WDR72: variants seen among roughly 807,000 people sequenced by gnomAD.
WDR72 encodes WD repeat domain 72.
In WDR72, 120 loss-of-function variants were observed where a neutral mutation model predicts 124.2. The observed-to-expected ratio is 0.97, with a 90% CI of 0.83 to 1.12. The LOEUF (loss-of-function observed/expected upper bound fraction) is 1.12. Ranked by LOEUF, WDR72 falls within the 50% of genes most tolerant of loss-of-function variation. The pLI is 0.00. For missense variants in WDR72, 1,387 were observed against 1,278.8 expected (o/e 1.08, Z -1.29); for synonymous variants, 452 against 441.7 (o/e 1.02, Z -0.29).
intron 13 of WDR72, among the ~76,000 whole-genome samples, chr15:53,680,350 G>T (rs2016337832): frequency 6.6e-6 from 1 of 152,174 alleles, no homozygotes; most frequent in African/African-American, 2.4e-5. Context: ...ATGTTTAAAA[G>T]AAGCACAAGT....
chr15:53,710,284 GT>G (rs757620718), intron 9 of WDR72, among the ~76,000 whole-genome samples: 4 of 152,086 alleles, frequency 2.6e-5, no homozygotes, highest in East Asian at 1.9e-4. Flanking sequence ...TGTTAACAAT[GT>G]TTTGTCACAC....
intron 1 of WDR72, among the ~76,000 whole-genome samples, chr15:53,742,938 C>CATATAA (rs1317691041): frequency 2.0e-5 from 3 of 151,928 alleles, no homozygotes; most frequent in Non-Finnish European, 2.9e-5. Flanking sequence ...ATATAAACAA[C>CATATAA]CAAACATACA....
At chr15:53,648,225 C>T (rs965408723) in intron 14 of WDR72, among the ~76,000 whole-genome samples, 2 of 152,092 alleles carry the variant, frequency 1.3e-5, no homozygotes, top group Admixed American at 1.3e-4. Flanking sequence ...AGGAAAGATA[C>T]TTGTCTCATG....
At chr15:53,608,669 T>C (rs1256490297) in intron 17 of WDR72, among the ~76,000 whole-genome samples, 2 of 152,018 alleles carry the variant, frequency 1.3e-5, no homozygotes, top group East Asian at 1.9e-4. Context: ...GGTGGGAGGA[T>C]CACTTGAGCC....
intron 13 of WDR72, among the ~76,000 whole-genome samples, chr15:53,690,470 C>T (rs541374636): frequency 6.6e-5 from 10 of 152,218 alleles, no homozygotes; most frequent in South Asian, 2.1e-4. Flanking sequence ...TGACAACCAC[C>T]GATCTGCTTT....
At chr15:53,530,273 A>G (rs1209365258) in intron 18 of WDR72, among the ~76,000 whole-genome samples, 3 of 151,720 alleles carry the variant, frequency 2.0e-5, no homozygotes, top group South Asian at 2.1e-4. Context: ...TTAATTGGTC[A>G]TATCAGTAAG....
chr15:53,676,402 C>T (rs79734621), intron 13 of WDR72, among the ~76,000 whole-genome samples: 1,995 of 152,292 alleles, frequency 0.013, 32 homozygotes, highest in East Asian at 0.069. Context: ...ATTTGATGAG[C>T]GCTTTGAATG....
chr15:53,681,880 G>C (rs1555423064), intron 13 of WDR72, among the ~76,000 whole-genome samples: 3 of 149,866 alleles, frequency 2.0e-5, no homozygotes, highest in Non-Finnish European at 4.4e-5. Flanking sequence ...TGTGTCACTT[G>C]AAAAAAAAAG....
chr15:53,553,458 G>T (rs1893816763), intron 18 of WDR72, among the ~76,000 whole-genome samples: 1 of 152,116 alleles, frequency 6.6e-6, no homozygotes, highest in Non-Finnish European at 1.5e-5. Flanking sequence ...CATGTAAAGT[G>T]ATATTTATAG....
chr15:53,698,278 T>C (rs1489702532), intron 13 of WDR72, among the ~76,000 whole-genome samples: 2 of 152,224 alleles, frequency 1.3e-5, no homozygotes, highest in African/African-American at 4.8e-5. Flanking sequence ...CCCAGATATT[T>C]ATTTATTCTT....
intron 13 of WDR72, among the ~76,000 whole-genome samples, chr15:53,697,565 C>T (rs2017042069): frequency 6.6e-6 from 1 of 152,140 alleles, no homozygotes; most frequent in South Asian, 2.1e-4. Context: ...CTTCCTGATG[C>T]TGCCAGTGCC....
intron 1 of WDR72, among the ~76,000 whole-genome samples, chr15:53,745,528 A>G (rs889759421): frequency 6.6e-6 from 1 of 152,246 alleles, no homozygotes; most frequent in Non-Finnish European, 1.5e-5. Flanking sequence ...TGTCAGATTT[A>G]GCAAATAAAG....
At chr15:53,674,346 G>A (rs1165068262) in intron 13 of WDR72, among the ~76,000 whole-genome samples, 1 of 152,104 alleles carries the variant, frequency 6.6e-6, no homozygotes, top group Non-Finnish European at 1.5e-5. Context: ...TGACCATTGG[G>A]TCTGTTATAC....
intron 14 of WDR72, among the ~76,000 whole-genome samples, chr15:53,628,306 T>C (rs758604554): frequency 9.9e-5 from 15 of 152,098 alleles, no homozygotes; most frequent in Non-Finnish European, 2.2e-4. Flanking sequence ...AAAAAAATTA[T>C]GAAATTTAAA....
At chr15:53,736,547 G>A (rs1376932718) in intron 1 of WDR72, among the ~76,000 whole-genome samples, 1 of 152,202 alleles carries the variant, frequency 6.6e-6, no homozygotes, top group African/African-American at 2.4e-5. Flanking sequence ...GGCAGGGTGA[G>A]GAGGACATCA....
At chr15:53,533,091 C>T (rs936208980) in intron 18 of WDR72, among the ~76,000 whole-genome samples, 1 of 151,976 alleles carries the variant, frequency 6.6e-6, no homozygotes, top group South Asian at 2.1e-4. Context: ...ATCAACCAAC[C>T]ACAAGGAAAC....
intron 14 of WDR72, among the ~76,000 whole-genome samples, chr15:53,649,482 C>A (rs1366020988): frequency 1.3e-5 from 2 of 151,874 alleles, no homozygotes; most frequent in Admixed American, 6.6e-5. Context: ...AAAAGAGGAC[C>A]CTATCTTAAG....
intron 18 of WDR72, among the ~76,000 whole-genome samples, chr15:53,539,780 A>G (rs1407591253): frequency 6.6e-6 from 1 of 152,144 alleles, no homozygotes; most frequent in Non-Finnish European, 1.5e-5. Context: ...ATTTGTGTCT[A>G]TGTACAAACT....
At chr15:53,627,656 T>C (rs1418766258) in intron 14 of WDR72, among the ~76,000 whole-genome samples, 1 of 152,166 alleles carries the variant, frequency 6.6e-6, no homozygotes, top group African/African-American at 2.4e-5. Flanking sequence ...TTCAAATTCT[T>C]TTCTAGAACA....
Sources: gnomAD v4.1 joint callset for allele counts (sites outside exome capture counted in the v4.1 genomes callset) on GRCh38, gnomAD v4.1.1 for gene constraint, MANE v1.5 for transcripts, NCBI Gene and HGNC (gene_info 2026-07-23, HGNC 2026-07-21) for gene names.